Variants in SLC35F4 observed in about 807,000 individuals in gnomAD.
The protein encoded by SLC35F4 is solute carrier family 35 member F4.
In SLC35F4, 24 loss-of-function variants were observed where a neutral mutation model predicts 44.2. The ratio of observed to expected loss-of-function variants is 0.54; its 90% CI spans 0.39 to 0.76. The LOEUF is 0.76. Ranked by LOEUF, SLC35F4 falls within the 30% of genes least tolerant of loss-of-function variation. The pLI, the probability that SLC35F4 is intolerant of heterozygous loss-of-function variation, is 0.00. For synonymous variants in SLC35F4, 238 were observed against 223.6 expected, an observed-to-expected ratio of 1.06 and a Z score of -0.57; for missense variants, 562 against 586.1, an observed-to-expected ratio of 0.96 and a Z score of 0.42.
At chr14:57,914,474 A>G (rs1951788049) in intron 1 of SLC35F4, among the ~76,000 whole-genome samples, 2 of 152,198 alleles carry the variant, frequency 1.3e-5, no homozygotes, top group South Asian at 4.2e-4. Context: ...GAGGCAGGAG[A>G]ATGGCGTGAA....
At chr14:57,673,859 C>T (rs373655849) in intron 1 of SLC35F4, among the ~76,000 whole-genome samples, 9 of 151,872 alleles carry the variant, frequency 5.9e-5, no homozygotes, top group East Asian at 5.8e-4. Context: ...TATTGTACAC[C>T]ACTAGCAAAA....
intron 1 of SLC35F4, among the ~76,000 whole-genome samples, chr14:57,927,195 G>T (rs925075322): frequency 6.6e-6 from 1 of 152,160 alleles, no homozygotes; most frequent in African/African-American, 2.4e-5. Context: ...TCTGATAAAA[G>T]GAACAAACTT....
intron 1 of SLC35F4, among the ~76,000 whole-genome samples, chr14:57,853,096 C>T (rs1265207381): frequency 2.6e-5 from 4 of 152,124 alleles, no homozygotes. Flanking sequence ...TTGTATTGCC[C>T]TATCTGACCT....
chr14:57,579,746 G>A (rs62004513), intron 4 of SLC35F4, among the ~76,000 whole-genome samples: 1,731 of 152,310 alleles, frequency 0.011, 16 homozygotes, highest in Admixed American at 0.017. Flanking sequence ...CTAGACATTG[G>A]AAGTAGAGAC....
chr14:57,939,357 A>G (rs978450980), intron 1 of SLC35F4, among the ~76,000 whole-genome samples: 3 of 152,186 alleles, frequency 2.0e-5, no homozygotes, highest in African/African-American at 7.2e-5. Flanking sequence ...AGCTAAGTCA[A>G]CCAAGGAGCA....
intron 1 of SLC35F4, among the ~76,000 whole-genome samples, chr14:57,845,299 G>A (rs1885913201): frequency 6.6e-6 from 1 of 152,174 alleles, no homozygotes; most frequent in Admixed American, 6.5e-5. Context: ...ATGCCCTTGG[G>A]CAAGGTAACC....
intron 1 of SLC35F4, among the ~76,000 whole-genome samples, chr14:57,753,399 T>C (rs1007045053): frequency 3.3e-5 from 5 of 152,264 alleles, no homozygotes; most frequent in Admixed American, 3.3e-4. Context: ...CCAGCTTCCC[T>C]GAGCCTTTAC....
At chr14:57,596,897 T>C in intron 1 of SLC35F4, 1 of 1,366,790 alleles carries the variant, frequency 7.3e-7, no homozygotes, top group Non-Finnish European at 9.8e-7. Flanking sequence ...AGTTCATCCA[T>C]GACAGACATT....
chr14:57,613,551 T>C (rs1020441786), intron 1 of SLC35F4, among the ~76,000 whole-genome samples: 4 of 152,228 alleles, frequency 2.6e-5, no homozygotes, highest in Non-Finnish European at 5.9e-5. Context: ...GATAGCATTC[T>C]CTAAGAGGTA....
intron 1 of SLC35F4, among the ~76,000 whole-genome samples, chr14:57,851,678 C>A (rs977218629): frequency 2.0e-5 from 3 of 152,096 alleles, no homozygotes; most frequent in Non-Finnish European, 2.9e-5. Context: ...AGAGACATGA[C>A]AAGTAAATGC....
intron 1 of SLC35F4, among the ~76,000 whole-genome samples, chr14:57,950,671 C>CCTTCTTTTTTT: frequency 1.3e-5 from 1 of 79,040 alleles, no homozygotes; most frequent in East Asian, 9.3e-4. Flanking sequence ...TCTTTTCTTT[C>CCTTCTTTTTTT]TTTCTTTTTT....
At chr14:57,952,889 C>T (rs1487618729) in intron 1 of SLC35F4, among the ~76,000 whole-genome samples, 1 of 151,962 alleles carries the variant, frequency 6.6e-6, no homozygotes, top group Non-Finnish European at 1.5e-5. Flanking sequence ...GGAGAATTTC[C>T]CCAAGCTAGC....
At chr14:57,612,397 A>G (rs2071566756) in intron 1 of SLC35F4, among the ~76,000 whole-genome samples, 1 of 152,154 alleles carries the variant, frequency 6.6e-6, no homozygotes, top group African/African-American at 2.4e-5. Flanking sequence ...CTCCCCACCC[A>G]GCAGTTGGGC....
intron 1 of SLC35F4, among the ~76,000 whole-genome samples, chr14:57,705,160 G>A (rs984956678): frequency 6.6e-6 from 1 of 152,076 alleles, no homozygotes; most frequent in African/African-American, 2.4e-5. Flanking sequence ...ACAAAGAGAG[G>A]ACTAATAAAT....
At chr14:57,877,674 C>CTTTTTTTTTTTTTTTTTTT (rs139397949) in intron 1 of SLC35F4, among the ~76,000 whole-genome samples, 1 of 52,440 alleles carries the variant, frequency 1.9e-5, no homozygotes, top group Non-Finnish European at 3.5e-5. Flanking sequence ...TATTTTTTGA[C>CTTTTTTTTTTTTTTTTTTT]TTTTTTTTTT....
intron 1 of SLC35F4, among the ~76,000 whole-genome samples, chr14:57,729,470 C>T (rs2076293777): frequency 6.6e-6 from 1 of 152,198 alleles, no homozygotes; most frequent in Non-Finnish European, 1.5e-5. Flanking sequence ...CCTGCCAAGA[C>T]TGAGTCCTTC....
chr14:57,578,872 TTACCACAAACGTGGTGAC>T (rs2069013148), intron 4 of SLC35F4: 1 of 152,316 alleles, frequency 6.6e-6, no homozygotes, highest in South Asian at 2.1e-4. Context: ...CTGTAACAAA[TTACCACAAACGTGGTGAC>T]TTAAAACAAC....
intron 1 of SLC35F4, among the ~76,000 whole-genome samples, chr14:57,957,399 G>A (rs1594652806): frequency 6.7e-6 from 1 of 150,174 alleles, no homozygotes; most frequent in East Asian, 2.0e-4. Flanking sequence ...TAACAAAACT[G>A]CACGTTCTGC....
Position 57,827,240 on chromosome 14 carries a change from C to T in SLC35F4, c.103+38483G>A, listed in dbSNP as rs564348501. The stretch of plus-strand genomic sequence containing the variant: ...GGATGGAGCTGGAAGCCATTATCCT[C>T]AGCAAACAAACGCAGGAACAGGAAA... On this transcript the variant is annotated intron_variant, in intron 1 of 7. Transcript: ENST00000556826. Among the ~76,000 whole-genome samples the T allele has an allele frequency of 3.5e-4, 54 of 152,224 alleles. 1 individual carries two copies. The highest frequency in any genetic ancestry group is 1.2e-3 in the African/African-American group (49 of 41,524).
Sources: gnomAD v4.1 joint callset for allele counts (sites outside exome capture counted in the v4.1 genomes callset) on GRCh38, gnomAD v4.1.1 for gene constraint, MANE v1.5 for transcripts, NCBI Gene and HGNC (gene_info 2026-07-23, HGNC 2026-07-21) for gene names.